Variants in ATP8B4 observed in about 807,000 individuals in gnomAD.
The protein encoded by ATP8B4 is probable phospholipid-transporting ATPase IM.
A neutral mutation model predicts 145.6 loss-of-function variants in ATP8B4; 133 were observed. The observed-to-expected ratio is 0.91, with a 90% confidence interval of 0.79 to 1.05. ATP8B4 has a LOEUF of 1.05. Ranked by LOEUF, ATP8B4 falls within the 50% of genes least tolerant of loss-of-function variation. The pLI, the probability that ATP8B4 is intolerant of heterozygous loss-of-function variation, is 0.00. For synonymous variants in ATP8B4, 507 were observed against 492.9 expected, an observed-to-expected ratio of 1.03 and a Z score of -0.38; for missense variants, 1,458 against 1,425.2, an observed-to-expected ratio of 1.02 and a Z score of -0.37.
At chr15:50,128,654 C>T (rs2057323087) in intron 1 of ATP8B4, among the ~76,000 whole-genome samples, 1 of 150,308 alleles carries the variant, frequency 6.7e-6, no homozygotes, top group Non-Finnish European at 1.5e-5. Context: ...CTTATTTGAA[C>T]TGGAAAAGAC....
intron 3 of ATP8B4, among the ~76,000 whole-genome samples, chr15:50,071,530 T>G (rs1229676897): frequency 2.0e-5 from 3 of 152,224 alleles, no homozygotes; most frequent in Non-Finnish European, 4.4e-5. Context: ...GATTAGTTAT[T>G]GCTGGGTATT....
chr15:49,970,374 C>T (rs2044991541), intron 13 of ATP8B4, among the ~76,000 whole-genome samples: 2 of 152,262 alleles, frequency 1.3e-5, no homozygotes, highest in African/African-American at 2.4e-5. Context: ...TAGAAAACCC[C>T]ATCGTCTCAG....
At chr15:50,031,610 A>C (rs926322264) in intron 6 of ATP8B4, among the ~76,000 whole-genome samples, 2 of 152,026 alleles carry the variant, frequency 1.3e-5, no homozygotes, top group African/African-American at 4.8e-5. Context: ...AAGTAAGAGA[A>C]TATTTAATAA....
chr15:50,147,012 G>A (rs1207817933), intron 1 of ATP8B4, among the ~76,000 whole-genome samples: 1 of 151,972 alleles, frequency 6.6e-6, no homozygotes, highest in Non-Finnish European at 1.5e-5. Context: ...CCCATTATGG[G>A]AGGGTTGTTT....
At chr15:49,868,032 T>C (rs7170482) in intron 25 of ATP8B4, among the ~76,000 whole-genome samples, 44,402 of 152,002 alleles carry the variant, frequency 0.29, 6,840 homozygotes, top group African/African-American at 0.35. Flanking sequence ...AATAATGGCA[T>C]TTTAGAAAGA....
intron 13 of ATP8B4, among the ~76,000 whole-genome samples, chr15:49,963,728 C>T (rs568054542): frequency 1.1e-4 from 17 of 152,162 alleles, no homozygotes; most frequent in African/African-American, 3.6e-4. Context: ...TGGACACATG[C>T]GGGATACAGC....
intron 13 of ATP8B4, among the ~76,000 whole-genome samples, chr15:49,963,092 T>C (rs1307382358): frequency 6.6e-6 from 1 of 151,976 alleles, no homozygotes; most frequent in African/African-American, 2.4e-5. Context: ...ACAACCGCCA[T>C]TAAAATGTGG....
intron 1 of ATP8B4, among the ~76,000 whole-genome samples, chr15:50,112,039 GGT>G (rs1218543671): frequency 3.3e-5 from 5 of 152,172 alleles, no homozygotes; most frequent in Non-Finnish European, 7.3e-5. Flanking sequence ...AGGGTGAACA[GGT>G]GATGGGACTT....
chr15:49,975,337 C>T (rs2045570698), intron 12 of ATP8B4, among the ~76,000 whole-genome samples: 2 of 152,024 alleles, frequency 1.3e-5, no homozygotes, highest in East Asian at 3.8e-4. Context: ...TCACAGTTGT[C>T]CCTTGAATCT....
At position 49,923,491 on chromosome 15, in the gene ATP8B4, C is replaced by G; in HGVS notation, c.1646G>C (p.Arg549Pro). 1 of 1,588,248 alleles carries G rather than the reference C, an allele frequency of 6.3e-7. No individual in the cohort carries two copies. The highest frequency in any genetic ancestry group is 8.6e-7 in the Non-Finnish European group (1 of 1,169,232). ...NTRKRMSVIV[R>P]NPEGQIKLYS... ...AAGCTTTATCTGTCCTTCTGGGTTTCGAACTGAAAAGAAAAAAGTTTGGAA... is the reference window on the plus strand; with the variant it reads ...AAGCTTTATCTGTCCTTCTGGGTTTGGAACTGAAAAGAAAAAAGTTTGGAA... Residue 549 changes from arginine (R) to proline (P), a missense_variant, in exon 17 of 28, where the codon CGA (arginine) becomes CCA (proline). By Grantham distance (103) the Arg-to-Pro change is moderately radical. Transcript: ENST00000284509.
At chr15:50,078,309 T>C (rs1241526861) in intron 2 of ATP8B4, among the ~76,000 whole-genome samples, 1 of 151,568 alleles carries the variant, frequency 6.6e-6, no homozygotes, top group Admixed American at 6.6e-5. Flanking sequence ...ACCTCCTGAA[T>C]AGCTGGGACT....
chr15:50,018,360 C>T (rs190446469), intron 6 of ATP8B4, among the ~76,000 whole-genome samples: 3 of 152,254 alleles, frequency 2.0e-5, no homozygotes, highest in Admixed American at 2.0e-4. Context: ...TAAGACCACT[C>T]TTATGTGTAC....
intron 20 of ATP8B4, among the ~76,000 whole-genome samples, chr15:49,912,314 TAAAC>T (rs1297425055): frequency 3.3e-5 from 5 of 151,914 alleles, no homozygotes; most frequent in African/African-American, 7.3e-5. Flanking sequence ...AGGATCCAAA[TAAAC>T]AAAATCAGGA....
At chr15:50,111,416 T>C (rs1417575799) in intron 1 of ATP8B4, among the ~76,000 whole-genome samples, 2 of 152,228 alleles carry the variant, frequency 1.3e-5, no homozygotes, top group Non-Finnish European at 2.9e-5. Flanking sequence ...GTCATTCTTA[T>C]TTTATATCAT....
chr15:49,994,148 G>A (rs899818129), intron 9 of ATP8B4, among the ~76,000 whole-genome samples: 2 of 152,120 alleles, frequency 1.3e-5, no homozygotes, highest in Non-Finnish European at 2.9e-5. Context: ...GAGCTACTGT[G>A]TTCCATTTTC....
intron 13 of ATP8B4, among the ~76,000 whole-genome samples, chr15:49,965,405 A>G (rs1407298148): frequency 2.6e-5 from 4 of 152,214 alleles, no homozygotes; most frequent in African/African-American, 9.6e-5. Flanking sequence ...TGTATTGAGA[A>G]AGTGGACACT....
chr15:50,104,055 A>T (rs2056531282), intron 2 of ATP8B4, among the ~76,000 whole-genome samples: 2 of 152,118 alleles, frequency 1.3e-5, no homozygotes, highest in African/African-American at 4.8e-5. Flanking sequence ...CTGGATTCTC[A>T]TCTCTCACCT....
At chr15:49,957,905 G>C (rs933709751) in intron 14 of ATP8B4, among the ~76,000 whole-genome samples, 1 of 151,654 alleles carries the variant, frequency 6.6e-6, no homozygotes, top group Non-Finnish European at 1.5e-5. Flanking sequence ...TAATTAACAA[G>C]ATAGAGCTAA....
intron 16 of ATP8B4, among the ~76,000 whole-genome samples, chr15:49,923,990 C>T (rs1003479127): frequency 3.3e-5 from 5 of 151,918 alleles, no homozygotes; most frequent in African/African-American, 1.2e-4. Context: ...TTCTTCATCC[C>T]TTTTACTCCG....
Sources: allele counts gnomAD v4.1 joint callset (sites outside exome capture counted in the v4.1 genomes callset), GRCh38; gene constraint gnomAD v4.1.1; transcripts MANE v1.5; gene names NCBI Gene and HGNC (gene_info 2026-07-23, HGNC 2026-07-21).